PCCA: variants seen among roughly 807,000 people sequenced by gnomAD.
PCCA encodes the protein propionyl-CoA carboxylase subunit alpha, also known as propionyl-CoA carboxylase alpha chain, mitochondrial.
PCCA carries 74 observed loss-of-function variants against 101.3 expected under a neutral mutation model. The observed-to-expected ratio is 0.73, with a 90% CI of 0.61 to 0.89. The LOEUF (loss-of-function observed/expected upper bound fraction) is 0.89. Among genes scored for constraint, PCCA ranks in the 40% least tolerant of loss-of-function variants. The probability of loss-of-function intolerance (pLI) is 0.00; values close to 1 mark genes in which losing one functional copy is unlikely to be tolerated. For synonymous variants in PCCA, 294 were observed against 313.6 expected (o/e 0.94, Z 0.66); for missense variants, 891 against 907.0 (o/e 0.98, Z 0.23).
chr13:100,256,932 A>T (rs1359889827), intron 8 of PCCA, among the ~76,000 whole-genome samples: 1 of 152,216 alleles, frequency 6.6e-6, no homozygotes, highest in East Asian at 1.9e-4. Flanking sequence ...CAATTTTATG[A>T]GTTTAAAACT....
At chr13:100,493,224 G>A (rs759966623) in intron 21 of PCCA, among the ~76,000 whole-genome samples, 6 of 152,302 alleles carry the variant, frequency 3.9e-5, no homozygotes, top group African/African-American at 7.2e-5. Context: ...AGCACGTGTC[G>A]GCCAAGCAAA....
At chr13:100,267,925 T>C (rs1430541684) in intron 10 of PCCA, among the ~76,000 whole-genome samples, 4 of 152,214 alleles carry the variant, frequency 2.6e-5, no homozygotes, top group African/African-American at 9.6e-5. Flanking sequence ...TTATTTTCCA[T>C]TACAGGTTGA....
At chr13:100,154,893 C>G (rs901097063) in intron 4 of PCCA, 86 bp from the exon 5 acceptor site, 1 of 883,214 alleles carries the variant, frequency 1.1e-6, no homozygotes, top group Admixed American at 1.7e-5. Flanking sequence ...GCAGAACAAT[C>G]AGATTTGCAA....
intron 1 of PCCA, among the ~76,000 whole-genome samples, chr13:100,092,148 C>A (rs1292278447): frequency 1.3e-5 from 2 of 151,932 alleles, no homozygotes; most frequent in Admixed American, 6.6e-5. Context: ...GATCTTCTGA[C>A]CTCTTGATCC....
At chr13:100,312,446 G>C (rs1351671797) in intron 16 of PCCA, among the ~76,000 whole-genome samples, 2 of 152,216 alleles carry the variant, frequency 1.3e-5, no homozygotes, top group Non-Finnish European at 2.9e-5. Flanking sequence ...AATGTCCTGT[G>C]TAGGTGAAAT....
Position 100,517,486 on chromosome 13 carries a change from A to G in PCCA, c.2040+1919A>G, listed in dbSNP as rs549106895. ...AGCTCAGATATTAAAAACACCCACC[A>G]ATAATTAAATGTGTGTACTCATTAA... is the stretch of plus-strand genomic sequence containing the variant. On this transcript the variant is annotated intron_variant, in intron 22 of 23. Transcript: ENST00000376285. Among the ~76,000 whole-genome samples, 3 of 152,326 alleles carry G rather than the reference A, an allele frequency of 2.0e-5. No individual in the cohort carries two copies. The South Asian group carries it at 6.2e-4, about 32-fold the overall frequency.
intron 6 of PCCA, among the ~76,000 whole-genome samples, chr13:100,175,753 C>T (rs1427241342): frequency 6.6e-6 from 1 of 152,170 alleles, no homozygotes; most frequent in Non-Finnish European, 1.5e-5. Context: ...GGTTCTGAAG[C>T]TTCCAGTGGA....
chr13:100,506,203 C>G (rs2152991986), intron 21 of PCCA, among the ~76,000 whole-genome samples: 1 of 152,254 alleles, frequency 6.6e-6, no homozygotes, highest in South Asian at 2.1e-4. Flanking sequence ...CCATGGCTCT[C>G]CAGGACTTGG....
intron 21 of PCCA, among the ~76,000 whole-genome samples, chr13:100,512,351 C>T (rs1329409272): frequency 1.3e-5 from 2 of 152,124 alleles, no homozygotes; most frequent in South Asian, 2.1e-4. Context: ...GTCACCTTTC[C>T]GTCATTCAGT....
At chr13:100,518,011 G>A (rs1013293008) in intron 22 of PCCA, among the ~76,000 whole-genome samples, 6 of 151,286 alleles carry the variant, frequency 4.0e-5, no homozygotes, top group Admixed American at 3.3e-4. Flanking sequence ...ACCGCGGGGC[G>A]TGTTGTGTTT....
At chr13:100,284,493 A>T (rs2152635949) in intron 12 of PCCA, among the ~76,000 whole-genome samples, 1 of 152,366 alleles carries the variant, frequency 6.6e-6, no homozygotes, top group African/African-American at 2.4e-5. Flanking sequence ...ATAAAGGATT[A>T]CAGAATATTG....
At chr13:100,306,504 A>T (rs1441987337) in intron 14 of PCCA, among the ~76,000 whole-genome samples, 4 of 152,216 alleles carry the variant, frequency 2.6e-5, no homozygotes, top group Admixed American at 2.6e-4. Flanking sequence ...AAACTGGGAA[A>T]TGAAAACAAG....
At chr13:100,469,931 T>C (rs772327346) in intron 21 of PCCA, among the ~76,000 whole-genome samples, 4 of 152,224 alleles carry the variant, frequency 2.6e-5, no homozygotes, top group Non-Finnish European at 5.9e-5. Context: ...TGGGATCTTA[T>C]GTGACCTGGG....
intron 16 of PCCA, among the ~76,000 whole-genome samples, chr13:100,327,407 CTG>C (rs1424775237): frequency 6.6e-6 from 1 of 152,142 alleles, no homozygotes; most frequent in Non-Finnish European, 1.5e-5. Context: ...GTTATTGACT[CTG>C]TGTGTGTATG....
Position 100,523,979 on chromosome 13 carries a change from C to T in PCCA, c.2041-3696C>T, listed in dbSNP as rs1427003637. Among the ~76,000 whole-genome samples, 10 of 152,362 alleles carry T rather than the reference C, an allele frequency of 6.6e-5. No individual in the cohort carries two copies. In the South Asian group the frequency reaches 8.3e-4, roughly 13 times the overall value. On this transcript the variant is annotated intron_variant, in intron 22 of 23. Transcript: ENST00000376285. ...AATGGTGGAGGGCCCTCTCTGTGCA[C>T]CCAATTAATGCTTGGCTTCCCAGCC...
At position 100,416,192 on chromosome 13, in the gene PCCA, T is replaced by G. The variant is rs550756086; in HGVS notation, c.1747-9441T>G. Among the ~76,000 whole-genome samples, 386 of 150,228 alleles carry G rather than the reference T, an allele frequency of 2.6e-3. 7 individuals carry two copies. The highest frequency in any genetic ancestry group is 0.021 in the Admixed American group (321 of 15,076). On this transcript the variant is annotated intron_variant, in intron 19 of 23. Transcript: ENST00000376285. ...CTTGAAATAGGACATAAATCATGGT[T>G]TTTTTTTTTTTTCTGAGACGGAGTC...
chr13:100,425,685 C>A lies in PCCA; in HGVS notation c.1799C>A (p.Ser600Ter). Residue 600 changes from serine to a stop codon, truncating the protein, a stop_gained, in exon 20 of 24, where the codon TCG becomes TAG. Coordinates refer to ENST00000376285, the MANE Select transcript of PCCA (RefSeq NM_000282.4). LOFTEE classifies it high-confidence loss of function. ...LNVTSTWNLASPLLSVSVDGT... is the reference protein window; with the variant it reads ...LNVTSTWNLA ...GTGACCAGCACGTGGAACCTGGCTT[C>A]GCCCTTATTGTCTGTCAGCGTTGAT... The A allele has an allele frequency of 6.2e-7, 1 of 1,614,140 alleles. No homozygotes were observed. Among genetic ancestry groups the A allele is most frequent in the Non-Finnish European group, 8.5e-7 (1 of 1,179,974 alleles).
chr13:100,096,799 C>T (rs575144389), intron 1 of PCCA, among the ~76,000 whole-genome samples: 24 of 152,338 alleles, frequency 1.6e-4, no homozygotes, highest in Admixed American at 7.8e-4. Flanking sequence ...TAGCCTAATC[C>T]AGCGCAAGGT....
At chr13:100,485,621 G>A (rs6491567) in intron 21 of PCCA, among the ~76,000 whole-genome samples, 31,806 of 152,076 alleles carry the variant, frequency 0.21, 3,619 homozygotes, top group Non-Finnish European at 0.25. Context: ...TTTCCTAAAC[G>A]TACTACAAGG....
Sources: allele counts gnomAD v4.1 joint callset (sites outside exome capture counted in the v4.1 genomes callset), GRCh38; gene constraint gnomAD v4.1.1; transcripts MANE v1.5; gene names NCBI Gene and HGNC (gene_info 2026-07-23, HGNC 2026-07-21).